The following CACNB4 variants were observed in gnomAD, a reference collection of about 807,000 sequenced individuals.
CACNB4 encodes voltage-dependent L-type calcium channel subunit beta-4.
Under a neutral mutation model 71.2 loss-of-function variants are expected in CACNB4, and 32 were observed. That is an observed-to-expected ratio of 0.45 (90% CI 0.34 to 0.60). The LOEUF (loss-of-function observed/expected upper bound fraction) is 0.60. Among genes scored for constraint, CACNB4 ranks in the 20% least tolerant of loss-of-function variants. The pLI is 0.01. For missense variants in CACNB4, 464 were observed against 647.9 expected (o/e 0.72, Z 3.08); for synonymous variants, 231 against 236.9 (o/e 0.97, Z 0.23).
chr2:151,974,978 T>G (rs572708873), intron 2 of CACNB4, among the ~76,000 whole-genome samples: 5 of 152,280 alleles, frequency 3.3e-5, no homozygotes, highest in African/African-American at 1.2e-4. Flanking sequence ...ACCCAGAAAC[T>G]CAGAGGCTCT....
At chr2:151,864,414 G>A (rs755418155) in intron 9 of CACNB4, among the ~76,000 whole-genome samples, 6 of 152,164 alleles carry the variant, frequency 3.9e-5, no homozygotes, top group Non-Finnish European at 7.3e-5. Flanking sequence ...TCTGTGGAAA[G>A]ATATTACTTT....
chr2:152,099,025 C>G lies in CACNB4; in HGVS notation c.-14G>C. 3 of 1,515,238 alleles carry G rather than the reference C, an allele frequency of 2.0e-6. No individual in the cohort carries two copies. Among genetic ancestry groups the G allele is most frequent in the South Asian group, 2.5e-5 (2 of 79,612 alleles). 93.9% of individuals were successfully genotyped at this position (1,515,238 alleles called of 1,614,324 possible). ...GGAGGAGGACATCGTTCAGAGCCGC[C>G]GCATGGCCAGCCCGTGTGCGGTGGG... On this transcript the variant is annotated 5_prime_UTR_variant, in exon 1 of 14. Coordinates refer to ENST00000539935, the MANE Select transcript of CACNB4 (RefSeq NM_000726.5).
In CACNB4 at chr2:151,921,308, G is replaced by T. The variant is rs558507870; in HGVS notation, c.148-37938C>A. 9.6e-4 allele frequency among the ~76,000 whole-genome samples: 146 copies of T among 151,930 alleles called. 1 individual carries two copies. Among genetic ancestry groups the T allele is most frequent in the African/African-American group, 3.3e-3 (135 of 41,440 alleles). On this transcript the variant is annotated intron_variant, in intron 2 of 13. Coordinates refer to ENST00000539935, the MANE Select transcript of CACNB4 (RefSeq NM_000726.5). ...ATGACAGCTGCAAATGCCAAATAAT[G>T]AATATCAAATGGTGAATCTTGGTTT...
At chr2:152,055,000 C>T (rs1166538233) in intron 2 of CACNB4, among the ~76,000 whole-genome samples, 3 of 152,240 alleles carry the variant, frequency 2.0e-5, no homozygotes, top group East Asian at 1.9e-4. Flanking sequence ...TATTTCCTCC[C>T]AGTCTGTGGG....
intron 2 of CACNB4, among the ~76,000 whole-genome samples, chr2:151,930,369 A>T (rs185130837): frequency 6.6e-6 from 1 of 152,140 alleles, no homozygotes; most frequent in African/African-American, 2.4e-5. Flanking sequence ...AAAAAATTAA[A>T]CTAAAATAGT....
intron 2 of CACNB4, among the ~76,000 whole-genome samples, chr2:152,085,347 C>T (rs190069781): frequency 8.5e-5 from 13 of 152,284 alleles, no homozygotes; most frequent in Admixed American, 7.8e-4. Context: ...AGCAATAAGT[C>T]AAATTCCCAT....
chr2:151,917,318 CTA>C (rs1268108457), intron 2 of CACNB4, among the ~76,000 whole-genome samples: 16 of 152,200 alleles, frequency 1.1e-4, no homozygotes, highest in African/African-American at 3.6e-4. Flanking sequence ...AGTATAATCC[CTA>C]TATAAGACAG....
At chr2:152,035,753 G>A (rs1560150704) in intron 2 of CACNB4, among the ~76,000 whole-genome samples, 1 of 151,708 alleles carries the variant, frequency 6.6e-6, no homozygotes, top group Non-Finnish European at 1.5e-5. Flanking sequence ...TTAACCAACA[G>A]ACACTTCTCA....
intron 2 of CACNB4, among the ~76,000 whole-genome samples, chr2:152,014,082 C>G (rs931708991): frequency 2.0e-5 from 3 of 152,208 alleles, no homozygotes; most frequent in Admixed American, 6.5e-5. Context: ...GTGGCTCATG[C>G]CTGCAATCCC....
At chr2:151,912,953 G>T (rs1327519886) in intron 2 of CACNB4, among the ~76,000 whole-genome samples, 1 of 151,926 alleles carries the variant, frequency 6.6e-6, no homozygotes, top group African/African-American at 2.4e-5. Context: ...GATCTTTGTT[G>T]GTTTAAAGTC....
At chr2:152,059,181 T>C (rs7569358) in intron 2 of CACNB4, among the ~76,000 whole-genome samples, 7,636 of 151,816 alleles carry the variant, frequency 0.05, 632 homozygotes, top group African/African-American at 0.18. Flanking sequence ...GGGGTTGGAG[T>C]CCCCACACAG....
chr2:151,871,208 G>A, intron 6 of CACNB4: 1 of 245,200 alleles, frequency 4.1e-6, no homozygotes. Context: ...CTGGGAACAA[G>A]GTAGACAAAT....
intron 2 of CACNB4, among the ~76,000 whole-genome samples, chr2:151,961,761 T>C (rs1362698849): frequency 1.3e-5 from 2 of 152,060 alleles, no homozygotes; most frequent in East Asian, 3.9e-4. Context: ...CATGATGGCA[T>C]GCACCTGTAG....
intron 10 of CACNB4, chr2:151,857,646 G>A (rs1159396548): frequency 6.6e-6 from 1 of 152,134 alleles, no homozygotes; most frequent in Non-Finnish European, 1.5e-5. Flanking sequence ...TCCTGGCCAG[G>A]ACTACATGTG....
chr2:151,833,798 A>G lies in CACNB4; in HGVS notation c.*5321T>C, dbSNP rs1020050842. 3 of 152,060 alleles carry G rather than the reference A, an allele frequency of 2.0e-5. No individual in the cohort carries two copies. The highest frequency in any genetic ancestry group is 4.4e-5 in the Non-Finnish European group (3 of 67,922). 9.4% of individuals were successfully genotyped at this position (152,060 alleles called of 1,614,324 possible). ...TTCTTTCTCCTCAATCTATTTTTATATTATTGGCAAAATATATATTTTATA... is the reference window on the plus strand; with the variant it reads ...TTCTTTCTCCTCAATCTATTTTTATGTTATTGGCAAAATATATATTTTATA... On this transcript the variant is annotated 3_prime_UTR_variant, in exon 14 of 14. Coordinates refer to ENST00000539935, the MANE Select transcript of CACNB4 (RefSeq NM_000726.5).
At chr2:152,052,912 A>G (rs12693221) in intron 2 of CACNB4, among the ~76,000 whole-genome samples, 151,263 of 152,024 alleles carry the variant, frequency 0.99, 75,254 homozygotes, top group Middle Eastern at 1. Flanking sequence ...AACCCGGGAG[A>G]TGGAGGTTGC....
chr2:152,097,573 A>C (rs138104432), intron 2 of CACNB4, among the ~76,000 whole-genome samples: 1 of 152,338 alleles, frequency 6.6e-6, no homozygotes, highest in Non-Finnish European at 1.5e-5. Context: ...TGGAAAACTG[A>C]GGACCAATTT....
intron 9 of CACNB4, chr2:151,868,269 G>A (rs769220563): frequency 4.3e-4 from 66 of 152,084 alleles, no homozygotes; most frequent in Non-Finnish European, 7.2e-4. Context: ...CTTAATTACT[G>A]CCTTCAAAAA....
intron 2 of CACNB4, among the ~76,000 whole-genome samples, chr2:152,065,307 C>T (rs1372566288): frequency 6.6e-6 from 1 of 151,832 alleles, no homozygotes; most frequent in Non-Finnish European, 1.5e-5. Flanking sequence ...TCACTTGAAC[C>T]CGGAGCCAGA....
Sources: allele counts gnomAD v4.1 joint callset (sites outside exome capture counted in the v4.1 genomes callset), GRCh38; gene constraint gnomAD v4.1.1; transcripts MANE v1.5; gene names NCBI Gene and HGNC (gene_info 2026-07-23, HGNC 2026-07-21).